GLI2: variants seen among roughly 807,000 people sequenced by gnomAD.
The protein encoded by GLI2 is transcription activator GLI2.
A neutral mutation model predicts 78.9 loss-of-function variants in GLI2; 22 were observed. That is an observed-to-expected ratio of 0.28 (90% CI 0.20 to 0.40). The LOEUF is 0.40. Ranked by LOEUF, GLI2 falls within the 10% of genes least tolerant of loss-of-function variation. GLI2 has a pLI of 1.00. For synonymous variants in GLI2, 974 were observed against 963.7 expected (o/e 1.01, Z -0.20); for missense variants, 2,097 against 2,213.2 (o/e 0.95, Z 1.05).
intron 2 of GLI2, among the ~76,000 whole-genome samples, chr2:120,817,705 C>T (rs1282508571): frequency 6.6e-6 from 1 of 152,214 alleles, no homozygotes; most frequent in African/African-American, 2.4e-5. Flanking sequence ...CTCATCAGCT[C>T]CAACTGCTCA....
chr2:120,943,064 G>A lies in GLI2; in HGVS notation c.255-8179G>A, dbSNP rs147796641. Among the ~76,000 whole-genome samples the A allele has an allele frequency of 3.3e-3, 496 of 152,346 alleles. 4 individuals carry two copies. Among genetic ancestry groups the A allele is most frequent in the African/African-American group, 0.011 (472 of 41,580 alleles). ...ATGTGCGGAGCCAGGTGCAGGGCCA[G>A]CGTATGAACAGAAACGGATACAGGA... On this transcript the variant is annotated intron_variant, in intron 3 of 13. Coordinates refer to ENST00000361492, the MANE Select transcript of GLI2 (RefSeq NM_001374353.1).
intron 1 of GLI2, among the ~76,000 whole-genome samples, chr2:120,762,612 G>A (rs1449123587): frequency 6.6e-6 from 1 of 152,210 alleles, no homozygotes; most frequent in Non-Finnish European, 1.5e-5. Flanking sequence ...TTCCCTTCCT[G>A]TGCCTCCGCG....
intron 1 of GLI2, among the ~76,000 whole-genome samples, chr2:120,769,878 C>CTG (rs112913541): frequency 1.3e-4 from 20 of 151,678 alleles, no homozygotes; most frequent in South Asian, 2.1e-4. Context: ...TGCACAAACA[C>CTG]TGTGTGTGTG....
chr2:120,972,466 C>T (rs1396959792), intron 8 of GLI2, among the ~76,000 whole-genome samples: 2 of 152,220 alleles, frequency 1.3e-5, no homozygotes, highest in Non-Finnish European at 2.9e-5. Flanking sequence ...CTACCCCACC[C>T]TGGCTCCTTC....
chr2:120,986,625 G>T lies in GLI2; in HGVS notation c.2242+11G>T. 1 of 1,612,478 alleles carries T rather than the reference G, an allele frequency of 6.2e-7. No homozygotes were observed. ...CCCTCCCGGGAAGTGGTGAGTAAAG[G>T]CCTGGGGTTTGCAGATGGGGCAGAA... On this transcript the variant is annotated intron_variant, in intron 13 of 13. Coordinates refer to ENST00000361492, the MANE Select transcript of GLI2 (RefSeq NM_001374353.1).
In GLI2 at chr2:120,901,705, G is replaced by T. The variant is rs552440492; in HGVS notation, c.149-25656G>T. ...GACTGAATCTAACCACTTCCCCCTTGTTGAGCTTTTAGATTAGATTACCTA... is the reference window on the plus strand; with the variant it reads ...GACTGAATCTAACCACTTCCCCCTTTTTGAGCTTTTAGATTAGATTACCTA... On this transcript the variant is annotated intron_variant, in intron 2 of 13. Transcript: ENST00000361492. Among the ~76,000 whole-genome samples, 464 of 152,316 alleles carry T rather than the reference G, an allele frequency of 3.0e-3. 3 individuals carry two copies. The highest frequency in any genetic ancestry group is 0.011 in the African/African-American group (438 of 41,568).
At chr2:120,894,625 T>G (rs1677851701) in intron 2 of GLI2, among the ~76,000 whole-genome samples, 1 of 151,536 alleles carries the variant, frequency 6.6e-6, no homozygotes, top group African/African-American at 2.4e-5. Flanking sequence ...GGGGTACCAG[T>G]GATTTCAAAC....
chr2:120,824,488 C>T (rs886621981), intron 2 of GLI2, among the ~76,000 whole-genome samples: 3 of 152,232 alleles, frequency 2.0e-5, no homozygotes, highest in African/African-American at 4.8e-5. Flanking sequence ...CTTACGTTCA[C>T]GAGCGCTGGG....
chr2:120,925,051 C>T (rs1353057572), intron 2 of GLI2, among the ~76,000 whole-genome samples: 1 of 152,216 alleles, frequency 6.6e-6, no homozygotes, highest in African/African-American at 2.4e-5. Context: ...CCTCAGGGTT[C>T]CCAGCCTCCG....
intron 2 of GLI2, among the ~76,000 whole-genome samples, chr2:120,804,062 G>A (rs1299678607): frequency 6.6e-6 from 1 of 152,196 alleles, no homozygotes; most frequent in African/African-American, 2.4e-5. Context: ...TGGCCCTGCT[G>A]GGTTCTTGGA....
chr2:120,908,014 G>A lies in GLI2; in HGVS notation c.149-19347G>A, dbSNP rs72955347. ...CACCTGGTGAAAGCCCCCAGCAGGG[G>A]GCTAGACTGTCCTCAGGAGCCCTGG... On this transcript the variant is annotated intron_variant, in intron 2 of 13. Transcript: ENST00000361492. Among the ~76,000 whole-genome samples the A allele has an allele frequency of 4.1e-3, 620 of 152,304 alleles. 6 individuals carry two copies. Among genetic ancestry groups the A allele is most frequent in the African/African-American group, 0.014 (571 of 41,576 alleles).
chr2:120,815,965 T>G (rs995979932), intron 2 of GLI2, among the ~76,000 whole-genome samples: 1 of 152,132 alleles, frequency 6.6e-6, no homozygotes, highest in Admixed American at 6.5e-5. Context: ...TCATGATGGA[T>G]AGGTGGATGC....
chr2:120,961,879 C>T (rs114523007), intron 5 of GLI2, among the ~76,000 whole-genome samples: 1,915 of 152,276 alleles, frequency 0.013, 52 homozygotes, highest in African/African-American at 0.044. Flanking sequence ...GGAGGATGTT[C>T]CTGTCTCTGT....
chr2:120,955,162 T>A, intron 4 of GLI2, 83 bp from the exon 5 acceptor site: 1 of 555,124 alleles, frequency 1.8e-6, no homozygotes, highest in Non-Finnish European at 3.0e-6. Context: ...CCTTTTTTTT[T>A]TTTTTTTTTT....
intron 2 of GLI2, among the ~76,000 whole-genome samples, chr2:120,909,810 A>C (rs1678726479): frequency 6.6e-6 from 1 of 152,204 alleles, no homozygotes. Context: ...GCTTGCAGTG[A>C]GCTGAGATCA....
chr2:120,802,190 C>T (rs1684739916), intron 2 of GLI2, among the ~76,000 whole-genome samples: 1 of 152,198 alleles, frequency 6.6e-6, no homozygotes, highest in Non-Finnish European at 1.5e-5. Flanking sequence ...GAGGTCGGAC[C>T]TGTTGGGGGC....
chr2:120,831,707 G>A (rs2104769695), intron 2 of GLI2, among the ~76,000 whole-genome samples: 1 of 152,258 alleles, frequency 6.6e-6, no homozygotes, highest in African/African-American at 2.4e-5. Flanking sequence ...AGGAAGGGAG[G>A]TGCCTCCTGG....
chr2:120,905,865 C>G (rs970136719), intron 2 of GLI2, among the ~76,000 whole-genome samples: 4 of 141,926 alleles, frequency 2.8e-5, no homozygotes, highest in Admixed American at 2.0e-4. Context: ...GAGGGCTACA[C>G]TGCCCCCCCC....
At chr2:120,846,553 G>A (rs1423777776) in intron 2 of GLI2, among the ~76,000 whole-genome samples, 1 of 152,202 alleles carries the variant, frequency 6.6e-6, no homozygotes, top group Non-Finnish European at 1.5e-5. Flanking sequence ...ACCTCTCCGG[G>A]CTGTTTTCCA....
Sources: allele counts gnomAD v4.1 joint callset (sites outside exome capture counted in the v4.1 genomes callset), GRCh38; gene constraint gnomAD v4.1.1; transcripts MANE v1.5; gene names NCBI Gene and HGNC (gene_info 2026-07-23, HGNC 2026-07-21).